Variants in CCDC179 observed in about 807,000 individuals in gnomAD.
CCDC179 encodes coiled-coil domain-containing protein 179.
CCDC179 carries 17 observed loss-of-function variants against 12.0 expected under a neutral mutation model. The observed-to-expected ratio is 1.42, with a 90% CI of 0.97 to 2.13. The LOEUF is 2.13. Ranked by LOEUF, CCDC179 falls within the 30% of genes most tolerant of loss-of-function variation. The probability of loss-of-function intolerance (pLI) is 0.00; values close to 1 mark genes in which losing one functional copy is unlikely to be tolerated. For synonymous variants in CCDC179, 27 were observed against 26.4 expected, an observed-to-expected ratio of 1.02 and a Z score of -0.07; for missense variants, 83 against 78.6, an observed-to-expected ratio of 1.06 and a Z score of -0.21.
intron 3 of CCDC179, among the ~76,000 whole-genome samples, chr11:22,857,639 G>A (rs1858557964): frequency 6.6e-6 from 1 of 151,706 alleles, no homozygotes; most frequent in African/African-American, 2.4e-5. Context: ...AGATTTAAGT[G>A]ATTAACCTTA....
chr11:22,848,102 C>T (rs763169490), intron 3 of CCDC179, among the ~76,000 whole-genome samples: 23 of 152,146 alleles, frequency 1.5e-4, no homozygotes, highest in Non-Finnish European at 2.2e-4. Flanking sequence ...ATAATTTTAA[C>T]ATTCATAAAT....
chr11:22,853,928 C>A (rs982639272), intron 3 of CCDC179, among the ~76,000 whole-genome samples: 1 of 151,896 alleles, frequency 6.6e-6, no homozygotes, highest in Non-Finnish European at 1.5e-5. Context: ...AAAATGAAAT[C>A]TTGAAAGAAG....
At chr11:22,850,249 G>A (rs549288307) in intron 3 of CCDC179, among the ~76,000 whole-genome samples, 149 of 152,292 alleles carry the variant, frequency 9.8e-4, no homozygotes, top group Non-Finnish European at 1.9e-3. Flanking sequence ...ATGATTTGGA[G>A]CTGCTTTTCA....
chr11:22,849,865 A>G (rs1197502381), intron 3 of CCDC179, among the ~76,000 whole-genome samples: 1 of 152,076 alleles, frequency 6.6e-6, no homozygotes, highest in Admixed American at 6.5e-5. Context: ...GTTTAATAGG[A>G]GGAAGAAAGA....
At chr11:22,850,976 A>ATATATATT (rs1554920538) in intron 3 of CCDC179, among the ~76,000 whole-genome samples, 2 of 6,122 alleles carry the variant, frequency 3.3e-4, no homozygotes, top group African/African-American at 6.1e-4. Context: ...ATATATATAT[A>ATATATATT]TTTTTTTTTT....
chr11:22,859,496 C>A lies in CCDC179; in HGVS notation c.46G>T (p.Glu16Ter). 6.8e-7 allele frequency: 1 copy of A among 1,468,954 alleles called. No individual in the cohort carries two copies. Among genetic ancestry groups the A allele is most frequent in the Non-Finnish European group, 9.0e-7 (1 of 1,110,400 alleles). 91.0% of individuals were successfully genotyped at this position (1,468,954 alleles called of 1,614,324 possible). A position where few individuals can be genotyped will look rare whatever the true frequency, so the allele number is the denominator to read the frequency against. Residue 16 changes from glutamate to a stop codon, truncating the protein, a stop_gained and splice_region_variant, in exon 2 of 4, where the codon GAA (glutamate) becomes TAA (stop). Transcript: ENST00000532798. LOFTEE classifies it high-confidence loss of function. ...GAAGGATGATGTTGTCTTGGTCCTT[C>A]CTATATAATAAACAAAATTAAAACA... ...WDIEPSQVNP[E>*]GPRQHHPSEV...
chr11:22,850,058 A>G (rs1276781230), intron 3 of CCDC179, among the ~76,000 whole-genome samples: 1 of 151,934 alleles, frequency 6.6e-6, no homozygotes, highest in Non-Finnish European at 1.5e-5. Flanking sequence ...TGGCCACCTC[A>G]CTCTAATCTT....
At chr11:22,856,658 G>T (rs894152087) in intron 3 of CCDC179, among the ~76,000 whole-genome samples, 4 of 151,488 alleles carry the variant, frequency 2.6e-5, no homozygotes, top group African/African-American at 9.7e-5. Flanking sequence ...CATAGCTAAT[G>T]CAGTAAGACA....
chr11:22,857,287 C>T (rs542946774), intron 3 of CCDC179, among the ~76,000 whole-genome samples: 32 of 151,570 alleles, frequency 2.1e-4, no homozygotes, highest in African/African-American at 6.5e-4. Flanking sequence ...CTATAGTTTT[C>T]GAGACAGTAT....
intron 3 of CCDC179, among the ~76,000 whole-genome samples, chr11:22,849,988 A>T (rs1161810137): frequency 6.6e-6 from 1 of 152,166 alleles, no homozygotes; most frequent in Non-Finnish European, 1.5e-5. Flanking sequence ...CGTCTGATTT[A>T]CATAGGGCTC....
intron 3 of CCDC179, among the ~76,000 whole-genome samples, chr11:22,854,788 G>A (rs1376125362): frequency 6.6e-6 from 1 of 151,694 alleles, no homozygotes; most frequent in African/African-American, 2.4e-5. Flanking sequence ...GACTGTCAGA[G>A]TTAATACAAA....
At chr11:22,859,765 T>C (rs1045928962) in intron 1 of CCDC179, among the ~76,000 whole-genome samples, 9 of 152,100 alleles carry the variant, frequency 5.9e-5, no homozygotes, top group Admixed American at 3.3e-4. Context: ...AGGCAGAGTA[T>C]AGAGATATAT....
intron 3 of CCDC179, among the ~76,000 whole-genome samples, chr11:22,851,020 C>G (rs1858388299): frequency 1.1e-5 from 1 of 88,264 alleles, no homozygotes; most frequent in South Asian, 4.9e-4. Context: ...GAGTCTTGCT[C>G]TGTCACCCAG....
At chr11:22,853,141 GATAAAC>G (rs1858451095) in intron 3 of CCDC179, among the ~76,000 whole-genome samples, 1 of 152,120 alleles carries the variant, frequency 6.6e-6, no homozygotes, top group African/African-American at 2.4e-5. Flanking sequence ...ATCTTAGTCA[GATAAAC>G]ATAAAACCTA....
At chr11:22,850,893 G>T (rs1024709) in intron 3 of CCDC179, among the ~76,000 whole-genome samples, 121,994 of 131,354 alleles carry the variant, frequency 0.93, 57,360 homozygotes, top group East Asian at 1. Context: ...ATTATGATAC[G>T]TTATACTAAG....
Position 22,859,497 on chromosome 11 carries a change from C to G in CCDC179, c.46-1G>C. 2.0e-6 allele frequency: 3 copies of G among 1,467,556 alleles called. No individual in the cohort carries two copies. The highest frequency in any genetic ancestry group is 1.8e-6 in the Non-Finnish European group (2 of 1,109,512). The allele number at this position is 1,467,556 out of a possible 1,614,324, so 90.9% of individuals were successfully genotyped here. A position where few individuals can be genotyped will look rare whatever the true frequency, so the allele number is the denominator to read the frequency against. On this transcript the variant is annotated splice_acceptor_variant, in intron 1 of 3. Coordinates refer to ENST00000532798, the MANE Select transcript of CCDC179 (RefSeq NM_001195637.2). LOFTEE classifies it high-confidence loss of function. ...AAGGATGATGTTGTCTTGGTCCTTC[C>G]TATATAATAAACAAAATTAAAACAC...
chr11:22,848,273 A>G (rs1858275014), intron 3 of CCDC179, among the ~76,000 whole-genome samples: 1 of 152,072 alleles, frequency 6.6e-6, no homozygotes, highest in South Asian at 2.1e-4. Flanking sequence ...GTGAAACCCC[A>G]TCTCTACTAA....
At chr11:22,849,548 A>G (rs1858320554) in intron 3 of CCDC179, among the ~76,000 whole-genome samples, 1 of 152,058 alleles carries the variant, frequency 6.6e-6, no homozygotes, top group South Asian at 2.1e-4. Flanking sequence ...TTTTGGGGGA[A>G]CAGGTGGTTT....
chr11:22,859,401 A>G, intron 2 of CCDC179, 51 bp downstream of exon 2: 2 of 1,288,880 alleles, frequency 1.6e-6, no homozygotes, highest in East Asian at 2.6e-5. Context: ...GGAACAAGTT[A>G]CAAGCACAAT....
Sources: gnomAD v4.1 joint callset for allele counts (sites outside exome capture counted in the v4.1 genomes callset) on GRCh38, gnomAD v4.1.1 for gene constraint, MANE v1.5 for transcripts, NCBI Gene and HGNC (gene_info 2026-07-23, HGNC 2026-07-21) for gene names.